The following PIEZO2 variants were observed in gnomAD, a reference collection of about 807,000 sequenced individuals.
The protein encoded by PIEZO2 is piezo type mechanosensitive ion channel component 2, also known as piezo-type mechanosensitive ion channel component 2.
Under a neutral mutation model 337.3 loss-of-function variants are expected in PIEZO2, and 172 were observed. That is an observed-to-expected ratio of 0.51 (90% CI 0.45 to 0.58). The LOEUF is 0.58. Ranked by LOEUF, PIEZO2 falls within the 20% of genes least tolerant of loss-of-function variation. The pLI is 0.00. For missense variants in PIEZO2, 3,028 were observed against 3,391.3 expected (o/e 0.89, Z 2.66); for synonymous variants, 1,251 against 1,228.5 (o/e 1.02, Z -0.38).
At position 11,149,147 on chromosome 18, in the gene PIEZO2, T is replaced by A. The variant is rs2040887330; in HGVS notation, c.-559A>T. ...TGGCCTCGGCCCCGGCTCTCGGAGC[T>A]GCCCGGCGGGCTCCGGGTCTCGCCC... On this transcript the variant is annotated 5_prime_UTR_variant, in exon 1 of 56. Coordinates refer to ENST00000674853, the MANE Select transcript of PIEZO2 (RefSeq NM_001378183.1). The surrounding 1 kb of genome is among the most constrained non-coding windows in gnomAD (Gnocchi z 8.7). Among the ~76,000 whole-genome samples the A allele has an allele frequency of 6.6e-6, 1 of 152,024 alleles. No individual in the cohort carries two copies. The highest frequency in any genetic ancestry group is 1.5e-5 in the Non-Finnish European group (1 of 67,988).
chr18:10,708,164 A>G (rs2035663866), intron 40 of PIEZO2, 111 bp downstream of exon 40: 1 of 152,272 alleles, frequency 6.6e-6, no homozygotes, highest in African/African-American at 2.4e-5. Context: ...GCAGATTCTT[A>G]AAATAAAAAT....
intron 1 of PIEZO2, among the ~76,000 whole-genome samples, chr18:11,071,166 C>T (rs544714818): frequency 2.6e-5 from 4 of 152,224 alleles, no homozygotes; most frequent in Non-Finnish European, 5.9e-5. Context: ...CTTTCTACAC[C>T]ACTCCCCACA....
chr18:11,125,400 G>T lies in PIEZO2; in HGVS notation c.64+23125C>A, dbSNP rs1041142190. 2.6e-5 allele frequency among the ~76,000 whole-genome samples: 4 copies of T among 152,148 alleles called. No homozygotes were observed. The highest frequency in any genetic ancestry group is 6.5e-5 in the Admixed American group (1 of 15,276). ...TCAGCAATTTTAAAATCCAACTTTTGCCATTATCTGAAGATACTTGAGAAA... is the reference window on the plus strand; with the variant it reads ...TCAGCAATTTTAAAATCCAACTTTTTCCATTATCTGAAGATACTTGAGAAA... On this transcript the variant is annotated intron_variant, in intron 1 of 55. Transcript: ENST00000674853. The surrounding 1 kb of genome is among the most constrained non-coding windows in gnomAD (Gnocchi z 4.4).
intron 3 of PIEZO2, among the ~76,000 whole-genome samples, chr18:10,936,477 C>G (rs1443137779): frequency 6.6e-6 from 1 of 152,116 alleles, no homozygotes; most frequent in Non-Finnish European, 1.5e-5. Flanking sequence ...TTTGCAACAA[C>G]CAGCCTGTGG....
Position 10,942,688 on chromosome 18 carries a change from T to G in PIEZO2, c.287-31460A>C, listed in dbSNP as rs2032791532. ...AAAATCCCATTTTCTGTGGAGAAAA[T>G]CAAGCCACCTGCAGAAATTTGCATA... On this transcript the variant is annotated intron_variant, in intron 3 of 55. Coordinates refer to ENST00000674853, the MANE Select transcript of PIEZO2 (RefSeq NM_001378183.1). This position sits in a 1 kb window ranked among gnomAD's most constrained non-coding sequence, Gnocchi z 4.4. Among the ~76,000 whole-genome samples, 1 of 151,982 alleles carries G rather than the reference T, an allele frequency of 6.6e-6. No homozygotes were observed. Among genetic ancestry groups the G allele is most frequent in the Non-Finnish European group, 1.5e-5 (1 of 67,998 alleles).
intron 2 of PIEZO2, among the ~76,000 whole-genome samples, chr18:11,005,587 A>T (rs1039158718): frequency 2.0e-5 from 3 of 151,810 alleles, no homozygotes; most frequent in Admixed American, 6.6e-5. Context: ...GCGACTGCTA[A>T]TGTGCTTCAG....
intron 53 of PIEZO2, 65 bp from the exon 54 acceptor site, chr18:10,675,353 T>C (rs1450505895): frequency 6.7e-6 from 7 of 1,040,744 alleles, no homozygotes; most frequent in Non-Finnish European, 8.2e-6. Context: ...AAATTGATTT[T>C]TTGTTGTTAT....
intron 1 of PIEZO2, among the ~76,000 whole-genome samples, chr18:11,135,566 T>C (rs1424350696): frequency 6.6e-6 from 1 of 152,164 alleles, no homozygotes; most frequent in Non-Finnish European, 1.5e-5. Flanking sequence ...TTGATTGATT[T>C]AGATGGAGTC....
intron 2 of PIEZO2, among the ~76,000 whole-genome samples, chr18:11,058,021 C>A (rs1314371836): frequency 1.3e-5 from 2 of 152,172 alleles, no homozygotes; most frequent in Non-Finnish European, 2.9e-5. Flanking sequence ...GTGGATAGCC[C>A]TGGTCTACAG....
rs751706773 is a variant in PIEZO2 at position 10,853,154 on chromosome 18, A to G, written c.917+2199T>C. On this transcript the variant is annotated intron_variant, in intron 7 of 55. Transcript: ENST00000674853. The surrounding 1 kb of genome is among the most constrained non-coding windows in gnomAD (Gnocchi z 4.2). ...AAGAGCACTTCAAGTGAGCATGCGCACAACTCCAGTAAACAGACTACATGC... is the reference window on the plus strand; with the variant it reads ...AAGAGCACTTCAAGTGAGCATGCGCGCAACTCCAGTAAACAGACTACATGC... Among the ~76,000 whole-genome samples, 33 of 152,284 alleles carry G rather than the reference A, an allele frequency of 2.2e-4. 1 individual carries two copies. The highest frequency in any genetic ancestry group is 3.4e-3 in the Middle Eastern group (1 of 294).
chr18:10,866,487 G>A (rs1458675967), intron 5 of PIEZO2, among the ~76,000 whole-genome samples: 6 of 152,104 alleles, frequency 3.9e-5, no homozygotes, highest in African/African-American at 1.4e-4. Flanking sequence ...GGGTTTCACT[G>A]TGTTAGCCAG....
At chr18:10,920,609 T>C (rs550623307) in intron 3 of PIEZO2, among the ~76,000 whole-genome samples, 1 of 152,280 alleles carries the variant, frequency 6.6e-6, no homozygotes, top group East Asian at 1.9e-4. Context: ...TACCCAGGTT[T>C]CCATGACTTC....
At chr18:10,749,135 A>G (rs531089370) in intron 29 of PIEZO2, among the ~76,000 whole-genome samples, 3 of 152,248 alleles carry the variant, frequency 2.0e-5, no homozygotes, top group South Asian at 2.1e-4. Context: ...ATAGCCTGAA[A>G]TAGAAATCAC....
chr18:11,142,027 A>G (rs975140216), intron 1 of PIEZO2, among the ~76,000 whole-genome samples: 14 of 152,206 alleles, frequency 9.2e-5, no homozygotes, highest in Admixed American at 2.0e-4. Context: ...CATCCACAAT[A>G]TCCTAGTTTA....
At position 10,959,940 on chromosome 18, in the gene PIEZO2, T is replaced by A. The variant is rs186433515; in HGVS notation, c.286+19595A>T. ...CTCTTATTTCCTAAACACTGACTCTTTTTTGAGTAACTGTTAAAACAGCTA... is the reference window on the plus strand; with the variant it reads ...CTCTTATTTCCTAAACACTGACTCTATTTTGAGTAACTGTTAAAACAGCTA... On this transcript the variant is annotated intron_variant, in intron 3 of 55. Coordinates refer to ENST00000674853, the MANE Select transcript of PIEZO2 (RefSeq NM_001378183.1). Among the ~76,000 whole-genome samples the A allele has an allele frequency of 1.1e-4, 17 of 152,310 alleles. No individual in the cohort carries two copies. In the East Asian group the frequency reaches 3.1e-3, roughly 28 times the overall value.
intron 2 of PIEZO2, among the ~76,000 whole-genome samples, chr18:10,990,131 A>T (rs977483290): frequency 6.6e-6 from 1 of 152,232 alleles, no homozygotes; most frequent in Non-Finnish European, 1.5e-5. Context: ...TTAAGGCAGA[A>T]CATCAAACAA....
In PIEZO2 at chr18:10,740,916, A is replaced by G. The variant is rs958453501; in HGVS notation, c.4708+115T>C. On this transcript the variant is annotated intron_variant, in intron 33 of 55. Transcript: ENST00000674853. ...TTTTCCTACACTCCGACCCCCTATC[A>G]AGTCACAAGGATCAAACCATGCATG... 9.1e-6 allele frequency: 10 copies of G among 1,100,572 alleles called. No homozygotes were observed. In the African/African-American group the frequency reaches 1.4e-4, roughly 15 times the overall value. 68.2% of individuals were successfully genotyped at this position (1,100,572 alleles called of 1,614,324 possible).
intron 1 of PIEZO2, among the ~76,000 whole-genome samples, chr18:11,144,480 T>C (rs2040756754): frequency 6.6e-6 from 1 of 152,142 alleles, no homozygotes; most frequent in African/African-American, 2.4e-5. Flanking sequence ...ATTAGCTCCA[T>C]TTGTAATTCT....
rs1432634414 is a variant in PIEZO2 at position 11,001,219 on chromosome 18, C to T, written c.161-21559G>A. On this transcript the variant is annotated intron_variant, in intron 2 of 55. Coordinates refer to ENST00000674853, the MANE Select transcript of PIEZO2 (RefSeq NM_001378183.1). The surrounding 1 kb of genome is among the most constrained non-coding windows in gnomAD (Gnocchi z 5.3). Reference sequence around the variant, plus strand: ...CTCCTGAAGGCAGGGCTGCCGCTAGCATATGGTCTCCAGCTCAGAAGGTAC... The same window carrying T: ...CTCCTGAAGGCAGGGCTGCCGCTAGTATATGGTCTCCAGCTCAGAAGGTAC... 6.6e-6 allele frequency among the ~76,000 whole-genome samples: 1 copy of T among 152,128 alleles called. No individual in the cohort carries two copies. Among genetic ancestry groups the T allele is most frequent in the East Asian group, 1.9e-4 (1 of 5,170 alleles).
Sources: gnomAD v4.1 joint callset for allele counts (sites outside exome capture counted in the v4.1 genomes callset) on GRCh38, gnomAD v4.1.1 for gene constraint, Gnocchi (gnomAD v3.1) non-coding constraint, MANE v1.5 for transcripts, NCBI Gene and HGNC (gene_info 2026-07-23, HGNC 2026-07-21) for gene names.